PLA2G6: variants seen among roughly 807,000 people sequenced by gnomAD.
The protein encoded by PLA2G6 is 85/88 kDa calcium-independent phospholipase A2.
PLA2G6 carries 62 observed loss-of-function variants against 83.8 expected under a neutral mutation model. That is an observed-to-expected ratio of 0.74 (90% CI 0.60 to 0.91). PLA2G6 has a LOEUF of 0.91. Among genes scored for constraint, PLA2G6 ranks in the 40% least tolerant of loss-of-function variants. The pLI is 0.00. For synonymous variants in PLA2G6, 417 were observed against 449.8 expected, an observed-to-expected ratio of 0.93 and a Z score of 0.92; for missense variants, 944 against 1,102.0, an observed-to-expected ratio of 0.86 and a Z score of 2.03.
chr22:38,153,946 C>T (rs569581912), intron 2 of PLA2G6, among the ~76,000 whole-genome samples: 148 of 152,332 alleles, frequency 9.7e-4, no homozygotes, highest in Non-Finnish European at 1.9e-3. Context: ...TGAACGTTGG[C>T]AGTGGCCTGG....
intron 2 of PLA2G6, among the ~76,000 whole-genome samples, chr22:38,164,829 C>T (rs12485185): frequency 0.039 from 5,927 of 152,262 alleles, 267 homozygotes; most frequent in Admixed American, 0.14. Flanking sequence ...AGAAACTCAG[C>T]CCTGGCCAGA....
rs2086872160 is a variant in PLA2G6 at position 38,111,542 on chromosome 22, T to G, written c.*619A>C. ...ATTTCAGTTTTGGCTCTTAAGCCAC[T>G]TCCATTGGGAAGAAGAAACTCCCAG... On this transcript the variant is annotated 3_prime_UTR_variant, in exon 17 of 17. Coordinates refer to ENST00000332509, the MANE Select transcript of PLA2G6 (RefSeq NM_003560.4). 6.1e-6 allele frequency: 1 copy of G among 163,988 alleles called. No individual in the cohort carries two copies. Among genetic ancestry groups the G allele is most frequent in the African/African-American group, 2.4e-5 (1 of 41,584 alleles). The allele number at this position is 163,988 out of a possible 1,614,324, so 10.2% of individuals were successfully genotyped here.
At chr22:38,122,151 G>A (rs2087562534) in intron 11 of PLA2G6, among the ~76,000 whole-genome samples, 1 of 152,128 alleles carries the variant, frequency 6.6e-6, no homozygotes, top group Middle Eastern at 3.2e-3. Flanking sequence ...GCTCAGCTCT[G>A]CATCCCCAGC....
chr22:38,144,255 G>A (rs1181593973), intron 3 of PLA2G6: 1 of 152,454 alleles, frequency 6.6e-6, no homozygotes, highest in Non-Finnish European at 1.5e-5. Context: ...GAGCAGCCTG[G>A]GCAGACACCA....
At chr22:38,163,880 A>C (rs546867590) in intron 2 of PLA2G6, among the ~76,000 whole-genome samples, 1 of 152,182 alleles carries the variant, frequency 6.6e-6, no homozygotes, top group Non-Finnish European at 1.5e-5. Context: ...GCCAGGACAC[A>C]GGGCACTCCA....
At chr22:38,157,495 C>A (rs997285907) in intron 2 of PLA2G6, among the ~76,000 whole-genome samples, 4 of 152,182 alleles carry the variant, frequency 2.6e-5, no homozygotes, top group Middle Eastern at 3.4e-3. Flanking sequence ...AGCCTGGGAC[C>A]CAGTGGCTTC....
At chr22:38,127,536 A>G in intron 9 of PLA2G6, 1 of 972,606 alleles carries the variant, frequency 1.0e-6, no homozygotes, top group Admixed American at 2.3e-5. Flanking sequence ...CCAGGACTAG[A>G]AGCCACAGTC....
At chr22:38,146,749 A>T (rs1276937325) in intron 2 of PLA2G6, 1 of 151,320 alleles carries the variant, frequency 6.6e-6, no homozygotes. Flanking sequence ...GAGATATTTA[A>T]AAAAAGGGAA....
chr22:38,150,732 G>A (rs1002956140), intron 2 of PLA2G6: 1 of 152,218 alleles, frequency 6.6e-6, no homozygotes, highest in African/African-American at 2.4e-5. Context: ...TAGAATGACA[G>A]CTGGCTTCTC....
rs2086911544 is a variant in PLA2G6, at chr22:38,112,313, G to A, written c.2277-8C>T. On this transcript the variant is annotated splice_region_variant and splice_polypyrimidine_tract_variant and intron_variant, in intron 16 of 16. Transcript: ENST00000332509. ...CCCAGCTGGGGGTTCAATCTGTTCG[G>A]GCCAGGGAGGAGGGGGTCACCCTAG... 1 of 1,612,880 alleles carries A rather than the reference G, an allele frequency of 6.2e-7. No individual in the cohort carries two copies. The highest frequency in any genetic ancestry group is 1.3e-5 in the African/African-American group (1 of 74,912).
rs147795054 is a variant in PLA2G6 at position 38,115,172 on chromosome 22, C to T, written c.2034+355G>A. Among the ~76,000 whole-genome samples, 864 of 152,318 alleles carry T rather than the reference C, an allele frequency of 5.7e-3. 14 individuals are homozygous for T. Among genetic ancestry groups the T allele is most frequent in the Non-Finnish European group, 5.8e-3 (394 of 68,022 alleles). On this transcript the variant is annotated intron_variant, in intron 14 of 16. Coordinates refer to ENST00000332509, the MANE Select transcript of PLA2G6 (RefSeq NM_003560.4). ...GTCCTCCACCACAGCACCGGCAACCCGTGGGGACAGGCATTCCTGTGGGAC... is the reference window on the plus strand; with the variant it reads ...GTCCTCCACCACAGCACCGGCAACCTGTGGGGACAGGCATTCCTGTGGGAC...
chr22:38,134,877 A>G, intron 6 of PLA2G6, 111 bp downstream of exon 6: 1 of 703,142 alleles, frequency 1.4e-6, no homozygotes, highest in Non-Finnish European at 2.5e-6. Context: ...CTGCAAGGTC[A>G]GCCCCCAAGT....
In PLA2G6 at chr22:38,128,236, C is replaced by G; in HGVS notation, c.1348+33G>C. ...TGTGATCCAGGGGCCTGGGAACCAG[C>G]TGGAGAAGAGGGAGTCGGGAGGCGA... On this transcript the variant is annotated intron_variant, in intron 9 of 16. Coordinates refer to ENST00000332509, the MANE Select transcript of PLA2G6 (RefSeq NM_003560.4). The surrounding 1 kb of genome is among the most constrained non-coding windows in gnomAD (Gnocchi z 4.4). The G allele has an allele frequency of 6.2e-7, 1 of 1,609,600 alleles. No individual in the cohort carries two copies. Among genetic ancestry groups the G allele is most frequent in the Non-Finnish European group, 8.5e-7 (1 of 1,177,688 alleles).
chr22:38,171,426 A>G (rs1217735270), intron 1 of PLA2G6, among the ~76,000 whole-genome samples: 1 of 152,118 alleles, frequency 6.6e-6, no homozygotes, highest in Non-Finnish European at 1.5e-5. Flanking sequence ...CAGTGGCTCA[A>G]TCATGGCTCA....
intron 10 of PLA2G6, 136 bp downstream of exon 10, chr22:38,126,235 T>C: frequency 1.4e-6 from 1 of 737,678 alleles, no homozygotes; most frequent in Non-Finnish European, 2.5e-6. Flanking sequence ...TGCTGAGAAC[T>C]ATAAGACTAG....
chr22:38,129,579 G>A lies in PLA2G6; in HGVS notation c.1078-17C>T. On this transcript the variant is annotated splice_polypyrimidine_tract_variant and intron_variant, in intron 7 of 16. Coordinates refer to ENST00000332509, the MANE Select transcript of PLA2G6 (RefSeq NM_003560.4). Reference sequence around the variant, plus strand: ...GTTGTCTTTCTGTTGGAGATGGAGAGAGGATAAGACGTGCAACTGCCGGGG... The same window carrying A: ...GTTGTCTTTCTGTTGGAGATGGAGAAAGGATAAGACGTGCAACTGCCGGGG... The A allele has an allele frequency of 6.3e-7, 1 of 1,592,326 alleles. No individual in the cohort carries two copies. Among genetic ancestry groups the A allele is most frequent in the African/African-American group, 1.3e-5 (1 of 74,440 alleles).
intron 1 of PLA2G6, among the ~76,000 whole-genome samples, chr22:38,181,451 G>A (rs1356495393): frequency 6.6e-6 from 1 of 152,100 alleles, no homozygotes; most frequent in Non-Finnish European, 1.5e-5. Flanking sequence ...AGAAGAGATG[G>A]ATTGACTCGG....
At chr22:38,141,108 G>A (rs1227462995) in intron 4 of PLA2G6, 1 of 152,050 alleles carries the variant, frequency 6.6e-6, no homozygotes, top group Non-Finnish European at 1.5e-5. Context: ...GCAGGAGGAT[G>A]GCATGAACCC....
intron 4 of PLA2G6, 110 bp downstream of exon 4, chr22:38,142,995 A>G (rs1265811225): frequency 1.6e-5 from 16 of 1,008,200 alleles, no homozygotes; most frequent in African/African-American, 3.2e-5. Flanking sequence ...TCAAGGACCA[A>G]TGGGGGACAG....
Sources: gnomAD v4.1 joint callset for allele counts (sites outside exome capture counted in the v4.1 genomes callset) on GRCh38, gnomAD v4.1.1 for gene constraint, Gnocchi (gnomAD v3.1) non-coding constraint, MANE v1.5 for transcripts, NCBI Gene and HGNC (gene_info 2026-07-23, HGNC 2026-07-21) for gene names.